ARHGAP24: variants seen among roughly 807,000 people sequenced by gnomAD.
ARHGAP24 encodes rho GTPase-activating protein 24.
In ARHGAP24, 50 loss-of-function variants were observed where a neutral mutation model predicts 76.4. The ratio of observed to expected loss-of-function variants is 0.65; its 90% CI spans 0.52 to 0.83. ARHGAP24 has a LOEUF of 0.83. Ranked by LOEUF, ARHGAP24 falls within the 40% of genes least tolerant of loss-of-function variation. The pLI, the probability that ARHGAP24 is intolerant of heterozygous loss-of-function variation, is 0.00. For missense variants in ARHGAP24, 930 were observed against 914.2 expected (o/e 1.02, Z -0.22); for synonymous variants, 345 against 323.3 (o/e 1.07, Z -0.72).
chr4:85,655,069 A>G (rs1180937760), intron 2 of ARHGAP24, among the ~76,000 whole-genome samples: 2 of 152,086 alleles, frequency 1.3e-5, no homozygotes, highest in Non-Finnish European at 2.9e-5. Flanking sequence ...TATTTTTTGT[A>G]TTTTAGATGT....
chr4:85,751,836 A>T (rs1478787669), intron 3 of ARHGAP24, among the ~76,000 whole-genome samples: 1 of 152,226 alleles, frequency 6.6e-6, no homozygotes, highest in African/African-American at 2.4e-5. Flanking sequence ...GGGCTCTAGA[A>T]TGACATTAGG....
At chr4:85,520,511 G>A (rs960252302) in intron 1 of ARHGAP24, among the ~76,000 whole-genome samples, 1 of 152,146 alleles carries the variant, frequency 6.6e-6, no homozygotes, top group African/African-American at 2.4e-5. Context: ...CAATAACTCA[G>A]TGCATATTCA....
chr4:85,823,036 CA>C (rs1054911720), intron 3 of ARHGAP24, among the ~76,000 whole-genome samples: 1 of 152,018 alleles, frequency 6.6e-6, no homozygotes, highest in Non-Finnish European at 1.5e-5. Context: ...TTAACTTTGT[CA>C]AAAAAACTTC....
chr4:85,882,618 G>A (rs71603467), intron 3 of ARHGAP24, among the ~76,000 whole-genome samples: 13,952 of 152,146 alleles, frequency 0.092, 695 homozygotes, highest in Middle Eastern at 0.13. Context: ...TATTCTAGTT[G>A]ATGAACAGCT....
chr4:85,648,923 G>T (rs1375613497), intron 2 of ARHGAP24, among the ~76,000 whole-genome samples: 1 of 151,894 alleles, frequency 6.6e-6, no homozygotes, highest in Non-Finnish European at 1.5e-5. Flanking sequence ...TAACAACATT[G>T]CCAACAGAAA....
At chr4:85,807,947 C>G (rs1317735552) in intron 3 of ARHGAP24, among the ~76,000 whole-genome samples, 1 of 152,138 alleles carries the variant, frequency 6.6e-6, no homozygotes. Flanking sequence ...CCCCCTGTAT[C>G]CCAAATAAAT....
At position 85,827,810 on chromosome 4, in the gene ARHGAP24, C is replaced by G; in HGVS notation, c.269-95838C>G. 4.7e-6 allele frequency: 4 copies of G among 849,116 alleles called. 1 individual carries two copies. The highest frequency in any genetic ancestry group is 4.5e-5 in the South Asian group (3 of 66,822). The allele number at this position is 849,116 out of a possible 1,614,324, so 52.6% of individuals were successfully genotyped here. On this transcript the variant is annotated intron_variant, in intron 3 of 9. Transcript: ENST00000395184. ...GGGGAGCGAGCCGTGGTTTCCATTC[C>G]TGGGTGATGGAGTCATGGGAGAAAC...
intron 2 of ARHGAP24, among the ~76,000 whole-genome samples, chr4:85,580,575 C>A (rs12509634): frequency 0.3 from 45,068 of 151,864 alleles, 7,853 homozygotes; most frequent in East Asian, 0.85. Flanking sequence ...TCCACATGGC[C>A]CCAAAATTTT....
intron 3 of ARHGAP24, among the ~76,000 whole-genome samples, chr4:85,785,118 C>T (rs34917858): frequency 0.36 from 54,275 of 151,926 alleles, 11,097 homozygotes; most frequent in East Asian, 0.71. Context: ...TTGGTGCATT[C>T]ACGTGTGTCA....
intron 5 of ARHGAP24, among the ~76,000 whole-genome samples, chr4:85,964,488 G>C (rs182273398): frequency 1.2e-3 from 188 of 152,166 alleles, no homozygotes; most frequent in African/African-American, 4.2e-3. Flanking sequence ...CAAAGAGTGT[G>C]CAGGTTATCC....
chr4:85,953,275 T>C (rs346490), intron 5 of ARHGAP24, among the ~76,000 whole-genome samples: 92,444 of 152,072 alleles, frequency 0.61, 28,564 homozygotes, highest in East Asian at 0.81. Flanking sequence ...CTTGTTCCTC[T>C]TTCTGCTATT....
At chr4:85,778,606 T>C in intron 3 of ARHGAP24, 2 of 887,786 alleles carry the variant, frequency 2.3e-6, no homozygotes, top group Non-Finnish European at 2.7e-6. Context: ...TATTTCTTAT[T>C]TTGTTTTGTT....
At chr4:85,761,297 T>G (rs571987842) in intron 3 of ARHGAP24, among the ~76,000 whole-genome samples, 4 of 152,332 alleles carry the variant, frequency 2.6e-5, no homozygotes, top group South Asian at 2.1e-4. Context: ...TTTCTAGAGA[T>G]AGTTCTCCAG....
intron 3 of ARHGAP24, among the ~76,000 whole-genome samples, chr4:85,792,962 T>G (rs1415366417): frequency 6.6e-6 from 1 of 152,184 alleles, no homozygotes; most frequent in African/African-American, 2.4e-5. Context: ...AAATTCTTGT[T>G]GAAATAGGGT....
intron 3 of ARHGAP24, among the ~76,000 whole-genome samples, chr4:85,747,532 T>C (rs1345855410): frequency 1.3e-5 from 2 of 152,018 alleles, no homozygotes; most frequent in African/African-American, 2.4e-5. Flanking sequence ...TGAAACCCCG[T>C]CTCTACTAAA....
intron 8 of ARHGAP24, among the ~76,000 whole-genome samples, chr4:85,983,706 C>G (rs369932299): frequency 1.3e-5 from 2 of 152,142 alleles, no homozygotes; most frequent in African/African-American, 4.8e-5. Context: ...CCCCTGCTCT[C>G]AAAACTCTCC....
At chr4:85,845,599 T>C (rs2110154408) in intron 3 of ARHGAP24, among the ~76,000 whole-genome samples, 1 of 152,312 alleles carries the variant, frequency 6.6e-6, no homozygotes, top group South Asian at 2.1e-4. Context: ...TTCTTTCCCT[T>C]TTTGCTTACG....
chr4:85,930,942 C>T (rs751097836), intron 4 of ARHGAP24: 1 of 1,613,858 alleles, frequency 6.2e-7, no homozygotes, highest in East Asian at 2.2e-5. Context: ...TGCCTGAAGA[C>T]CGGAATTCTG....
At chr4:85,782,816 G>A (rs1174583453) in intron 3 of ARHGAP24, among the ~76,000 whole-genome samples, 1 of 152,166 alleles carries the variant, frequency 6.6e-6, no homozygotes, top group Non-Finnish European at 1.5e-5. Flanking sequence ...GACAGTTGAA[G>A]AGGTAATATG....
Sources: gnomAD v4.1 joint callset for allele counts (sites outside exome capture counted in the v4.1 genomes callset) on GRCh38, gnomAD v4.1.1 for gene constraint, MANE v1.5 for transcripts, NCBI Gene and HGNC (gene_info 2026-07-23, HGNC 2026-07-21) for gene names.